SFPQ: variants seen among roughly 807,000 people sequenced by gnomAD.
SFPQ encodes splicing factor, proline- and glutamine-rich.
In SFPQ, 11 loss-of-function variants were observed where a neutral mutation model predicts 72.9. The observed-to-expected ratio is 0.15, with a 90% CI of 0.09 to 0.25. SFPQ has a LOEUF of 0.25. SFPQ is among the 10% of genes least tolerant of loss of function. The pLI is 1.00. For missense variants in SFPQ, 847 were observed against 993.3 expected, an observed-to-expected ratio of 0.85 and a Z score of 1.98; for synonymous variants, 506 against 367.3, an observed-to-expected ratio of 1.38 and a Z score of -4.32.
chr1:35,178,477 G>A (rs1273681239), downstream of SFPQ: 2 of 1,064,340 alleles, frequency 1.9e-6, no homozygotes, highest in Non-Finnish European at 2.3e-6. Context: ...TTCAGCAGGA[G>A]TCCTCCAAGA....
At position 35,183,223 on chromosome 1, in the gene SFPQ, A is replaced by G; in HGVS notation, c.*1233T>C. ...ATAACTAAACCTACTTCAGTACTAAACCTTTTTTTTTTTTTGAGACAGAGT... is the reference window on the plus strand; with the variant it reads ...ATAACTAAACCTACTTCAGTACTAAGCCTTTTTTTTTTTTTGAGACAGAGT... On this transcript the variant is annotated 3_prime_UTR_variant, in exon 10 of 10. Transcript: ENST00000357214. 3.1e-6 allele frequency: 3 copies of G among 968,640 alleles called. No individual in the cohort carries two copies. The highest frequency in any genetic ancestry group is 2.4e-6 in the Non-Finnish European group (2 of 819,848). 60.0% of individuals were successfully genotyped at this position (968,640 alleles called of 1,614,324 possible).
chr1:35,180,886 C>T (rs1639439992), downstream of SFPQ: 1 of 985,306 alleles, frequency 1.0e-6, no homozygotes. Flanking sequence ...AAGGAAACCA[C>T]ACAACTGAGT....
Position 35,192,359 on chromosome 1 carries a change from G to C in SFPQ, c.691C>G (p.Pro231Ala), listed in dbSNP as rs1320173469. ...CCGCCGCCTCGATGCGGCGGCTTGG[G>C]GTGGCCGCCAGGCGTACTTAGGCCC... ...GPGLSTPGGHPKPPHRGGGEP... is the reference protein window; with the variant it reads ...GPGLSTPGGHAKPPHRGGGEP... Residue 231 changes from proline (P) to alanine (A), a missense_variant, in exon 1 of 10, where the codon CCC (proline) becomes GCC (alanine). Pro to Ala is a conservative substitution (Grantham distance 27). Transcript: ENST00000357214. 5 of 1,389,792 alleles carry C rather than the reference G, an allele frequency of 3.6e-6. No homozygotes were observed. In the Admixed American group the frequency reaches 1.9e-4, roughly 53 times the overall value. 86.1% of individuals were successfully genotyped at this position (1,389,792 alleles called of 1,614,324 possible).
At chr1:35,178,042 GAAT>G (rs1001197481), downstream of SFPQ, 34 of 1,283,552 alleles carry the variant, frequency 2.6e-5, no homozygotes, top group Non-Finnish European at 3.1e-5. Context: ...CTTACCTAAA[GAAT>G]AATAAGAAAA....
downstream of SFPQ, chr1:35,182,703 G>T (rs973483381): frequency 1.5e-5 from 15 of 985,280 alleles, no homozygotes; most frequent in Admixed American, 6.1e-5. Context: ...ACATTCCATA[G>T]TAAGAATTCT....
At chr1:35,179,158 C>CT (rs1639366245), downstream of SFPQ, 1 of 1,060,234 alleles carries the variant, frequency 9.4e-7, no homozygotes, top group Admixed American at 5.4e-5. Flanking sequence ...TCCTGGCTCT[C>CT]TAAAACCTGT....
chr1:35,186,918 AAAAACAAAAC>A (rs781669274), intron 9 of SFPQ, 73 bp downstream of exon 9: 29 of 1,461,566 alleles, frequency 2.0e-5, no homozygotes, highest in Middle Eastern at 2.0e-4. Context: ...ACCTACTTAA[AAAAACAAAAC>A]AAAACAAAAC....
At chr1:35,179,022 A>G, downstream of SFPQ, 1 of 1,058,946 alleles carries the variant, frequency 9.4e-7, no homozygotes, top group Non-Finnish European at 1.1e-6. Flanking sequence ...GCAATGACAG[A>G]TGATTAGGAG....
At chr1:35,188,573 T>C (rs1284782106) in intron 6 of SFPQ, among the ~76,000 whole-genome samples, 1 of 152,158 alleles carries the variant, frequency 6.6e-6, no homozygotes, top group Non-Finnish European at 1.5e-5. Flanking sequence ...TCCCAGCTAC[T>C]CAGGAGGACT....
chr1:35,176,522 C>T (rs927744904), intron 5 of SFPQ: 1 of 152,028 alleles, frequency 6.6e-6, no homozygotes, highest in African/African-American at 2.4e-5. Context: ...ATCAGAGTTA[C>T]CAAATTCTCA....
chr1:35,187,200 T>A lies in SFPQ; in HGVS notation c.1864+3A>T, dbSNP rs750009834. 1.9e-6 allele frequency: 3 copies of A among 1,614,024 alleles called. No homozygotes were observed. Among genetic ancestry groups the A allele is most frequent in the South Asian group, 2.2e-5 (2 of 91,080 alleles). The stretch of plus-strand genomic sequence containing the variant: ...ATATCATTAATTTAAATTTCACACT[T>A]ACCTCCCATGTTCATTGCTCCTCCG... On this transcript the variant is annotated splice_donor_region_variant and intron_variant, in intron 8 of 9. Transcript: ENST00000357214.
downstream of SFPQ, chr1:35,179,260 C>G: frequency 9.4e-7 from 1 of 1,061,044 alleles, no homozygotes; most frequent in Non-Finnish European, 1.1e-6. Flanking sequence ...ATGCAACCCC[C>G]ATTAAGGTTA....
downstream of SFPQ, chr1:35,181,239 T>C (rs1639452995): frequency 9.4e-7 from 1 of 1,065,726 alleles, no homozygotes; most frequent in Non-Finnish European, 1.1e-6. Flanking sequence ...AGTTACGCAC[T>C]GCAGAAATGC....
At position 35,189,394 on chromosome 1, in the gene SFPQ, CA is replaced by C. The variant is rs1639883793; in HGVS notation, c.1416-13del. On this transcript the variant is annotated splice_polypyrimidine_tract_variant and intron_variant, in intron 4 of 9. Transcript: ENST00000357214. ...GGGTTTCTCTCTCCCTAACAATACA[CA>C]AAATTTTAACATGAACCGATTTGTG... 1.2e-6 allele frequency: 2 copies of C among 1,606,850 alleles called. No individual in the cohort carries two copies. The highest frequency in any genetic ancestry group is 1.7e-6 in the Non-Finnish European group (2 of 1,174,822).
intron 5 of SFPQ, among the ~76,000 whole-genome samples, chr1:35,176,830 T>G (rs1271975483): frequency 6.8e-6 from 1 of 147,406 alleles, no homozygotes; most frequent in Non-Finnish European, 1.5e-5. Flanking sequence ...GCCAAGACTG[T>G]GCACCACTGC....
At chr1:35,180,952 G>A, downstream of SFPQ, 3 of 985,284 alleles carry the variant, frequency 3.0e-6, no homozygotes, top group South Asian at 4.7e-5. Flanking sequence ...CAACAGCACT[G>A]AATTCTGCCT....
At chr1:35,187,295 C>T (rs1639767979) in intron 7 of SFPQ, 44 bp from the exon 8 acceptor site, 1 of 1,562,096 alleles carries the variant, frequency 6.4e-7, no homozygotes, top group African/African-American at 1.3e-5. Context: ...ACTATACCCA[C>T]AGCAAGCATT....
At chr1:35,178,204 A>G (rs1557777099), downstream of SFPQ, 2 of 1,087,700 alleles carry the variant, frequency 1.8e-6, no homozygotes, top group Non-Finnish European at 2.2e-6. Flanking sequence ...GGGGAAATCT[A>G]AAATTATTCT....
downstream of SFPQ, chr1:35,180,176 C>G (rs1367192359): frequency 9.5e-7 from 1 of 1,050,692 alleles, no homozygotes; most frequent in Non-Finnish European, 1.1e-6. Flanking sequence ...AAACCACTTT[C>G]CAGTTACAGA....
Sources: allele counts gnomAD v4.1 joint callset (sites outside exome capture counted in the v4.1 genomes callset), GRCh38; gene constraint gnomAD v4.1.1; transcripts MANE v1.5; gene names NCBI Gene and HGNC (gene_info 2026-07-23, HGNC 2026-07-21).